Variants in ACSBG2 observed in about 807,000 individuals in gnomAD.
ACSBG2 encodes long-chain-fatty-acid--CoA ligase ACSBG2.
In ACSBG2, 62 loss-of-function variants were observed where a neutral mutation model predicts 74.7. The ratio of observed to expected loss-of-function variants is 0.83; its 90% CI spans 0.68 to 1.03. ACSBG2 has a LOEUF of 1.03. Ranked by LOEUF, ACSBG2 falls within the 50% of genes least tolerant of loss-of-function variation. The pLI is 0.00. For missense variants in ACSBG2, 730 were observed against 817.6 expected, an observed-to-expected ratio of 0.89 and a Z score of 1.31; for synonymous variants, 309 against 294.1, an observed-to-expected ratio of 1.05 and a Z score of -0.52.
rs746945610 is a variant in ACSBG2, at chr19:6,185,453, C to T, written c.1340C>T (p.Thr447Ile). ...YRLLSCGKILTGCKNMLFQQN... is the reference protein window; with the variant it reads ...YRLLSCGKILIGCKNMLFQQN... ...CCTGGCAGCTGTGGCAAGATCTTGA[C>T]TGGGTGTAAGAATATGCTGTTCCAG... Residue 447 changes from threonine to isoleucine, a missense_variant, in exon 11 of 15, where the codon ACT becomes ATT. Transcript: ENST00000588485. 1 of 1,614,144 alleles carries T rather than the reference C, an allele frequency of 6.2e-7. No individual in the cohort carries two copies. Among genetic ancestry groups the T allele is most frequent in the Admixed American group, 1.7e-5 (1 of 60,012 alleles).
At chr19:6,181,275 G>A (rs919966071) in intron 8 of ACSBG2, among the ~76,000 whole-genome samples, 1 of 144,434 alleles carries the variant, frequency 6.9e-6, no homozygotes, top group Non-Finnish European at 1.5e-5. Context: ...GAGAAGGGAG[G>A]GGAAGGGAGG....
intron 4 of ACSBG2, among the ~76,000 whole-genome samples, chr19:6,154,860 G>T: frequency 6.6e-6 from 1 of 152,080 alleles, no homozygotes; most frequent in Admixed American, 6.6e-5. Context: ...GGACTGAATG[G>T]TAAGACAGTG....
At chr19:6,191,884 C>T (rs1317528392) in intron 14 of ACSBG2, 1 of 152,016 alleles carries the variant, frequency 6.6e-6, no homozygotes, top group Non-Finnish European at 1.5e-5. Flanking sequence ...AATTCTTCAT[C>T]TTTCACAAGA....
chr19:6,187,717 A>AC lies in ACSBG2; in HGVS notation c.1804dup (p.Leu602ProfsTer25), dbSNP rs745661515. On this transcript the variant is annotated frameshift_variant, in exon 13 of 15. Coordinates refer to ENST00000588485, the MANE Select transcript of ACSBG2 (RefSeq NM_030924.5). LOFTEE classifies it high-confidence loss of function. ...GTGACTGAGATTGTGAAGCAGCAAG[A>AC]CCCCCTGGTCTACAAGGCCATCCAG... 3 of 1,613,728 alleles carry AC rather than the reference A, an allele frequency of 1.9e-6. No homozygotes were observed. The highest frequency in any genetic ancestry group is 8.5e-7 in the Non-Finnish European group (1 of 1,179,946).
intron 3 of ACSBG2, 50 bp downstream of exon 3, chr19:6,147,725 G>A: frequency 1.9e-6 from 3 of 1,569,446 alleles, no homozygotes; most frequent in Non-Finnish European, 2.6e-6. Flanking sequence ...ATTCTGAATA[G>A]GTAACAGACA....
In ACSBG2 at chr19:6,190,808, T is replaced by TAC. The variant is rs1161207580; in HGVS notation, c.*35+118_*35+119dup. The TAC allele has an allele frequency of 4.0e-4, 156 of 387,498 alleles. 2 individuals are homozygous for TAC. Among genetic ancestry groups the TAC allele is most frequent in the East Asian group, 4.5e-4 (9 of 19,820 alleles). 24.0% of individuals were successfully genotyped at this position (387,498 alleles called of 1,614,324 possible). A position where few individuals can be genotyped will look rare whatever the true frequency, so the allele number is the denominator to read the frequency against. On this transcript the variant is annotated intron_variant, in intron 14 of 14. Transcript: ENST00000588485. Reference sequence around the variant, plus strand: ...TGCAGAAAACACACACATACACACATACATACACACACACACACACACACA... The same window carrying TAC: ...TGCAGAAAACACACACATACACACATACACATACACACACACACACACACACA...
intron 6 of ACSBG2, among the ~76,000 whole-genome samples, chr19:6,165,511 A>C (rs753014500): frequency 7.9e-5 from 12 of 152,196 alleles, no homozygotes; most frequent in Admixed American, 2.0e-4. Context: ...AACAAATAAT[A>C]CCTAACTCCG....
intron 8 of ACSBG2, among the ~76,000 whole-genome samples, 195 bp downstream of exon 8, chr19:6,177,591 G>A (rs528529047): frequency 2.0e-5 from 3 of 152,130 alleles, no homozygotes; most frequent in Non-Finnish European, 2.9e-5. Flanking sequence ...CTGTAATCCC[G>A]GCACTCTGGG....
At chr19:6,142,568 T>C (rs1321077299) in intron 2 of ACSBG2, among the ~76,000 whole-genome samples, 1 of 151,902 alleles carries the variant, frequency 6.6e-6, no homozygotes, top group African/African-American at 2.4e-5. Context: ...CTGACTAAGA[T>C]GGTGAAACCC....
At chr19:6,146,460 A>C (rs1435347981) in intron 2 of ACSBG2, among the ~76,000 whole-genome samples, 3 of 102,958 alleles carry the variant, frequency 2.9e-5, no homozygotes, top group Non-Finnish European at 3.7e-5. Flanking sequence ...AAAGAGTGAG[A>C]CTCCGTCTCA....
chr19:6,168,120 AGGC>A (rs2089864104), intron 7 of ACSBG2, among the ~76,000 whole-genome samples: 1 of 151,934 alleles, frequency 6.6e-6, no homozygotes, highest in Non-Finnish European at 1.5e-5. Context: ...GAGGCCCACA[AGGC>A]ACTGCAAGCC....
intron 13 of ACSBG2, 92 bp from the exon 14 acceptor site, chr19:6,190,492 C>T (rs2090531445): frequency 9.0e-7 from 1 of 1,116,482 alleles, no homozygotes; most frequent in Non-Finnish European, 1.4e-6. Context: ...CCAGCCTAGC[C>T]CCAGGCATGG....
intron 7 of ACSBG2, among the ~76,000 whole-genome samples, chr19:6,175,079 AT>A (rs1026617836): frequency 6.6e-6 from 1 of 152,190 alleles, no homozygotes; most frequent in South Asian, 2.1e-4. Flanking sequence ...TGTCTAAACC[AT>A]TGTACATCAT....
At chr19:6,171,587 C>T (rs8109924) in intron 7 of ACSBG2, among the ~76,000 whole-genome samples, 3,522 of 152,130 alleles carry the variant, frequency 0.023, 122 homozygotes, top group African/African-American at 0.076. Flanking sequence ...ATCCACTGTA[C>T]GTCTGATGGA....
intron 6 of ACSBG2, among the ~76,000 whole-genome samples, chr19:6,162,264 C>CA (rs57505930): frequency 0.6 from 37,465 of 62,806 alleles, 11,243 homozygotes; most frequent in East Asian, 0.69. Context: ...GACTCTGTCT[C>CA]AAAAAAAAAA....
intron 7 of ACSBG2, among the ~76,000 whole-genome samples, chr19:6,169,663 G>T (rs1287949881): frequency 6.6e-6 from 1 of 152,136 alleles, no homozygotes; most frequent in African/African-American, 2.4e-5. Context: ...TCTGTAGATT[G>T]CTTTGGGCAG....
chr19:6,140,209 A>G (rs1477299821), intron 1 of ACSBG2, among the ~76,000 whole-genome samples: 1 of 141,504 alleles, frequency 7.1e-6, no homozygotes, highest in Non-Finnish European at 1.5e-5. Flanking sequence ...TGGGCGACAG[A>G]GCAAGACTCC....
intron 2 of ACSBG2, among the ~76,000 whole-genome samples, chr19:6,142,439 T>C (rs2088877200): frequency 6.6e-6 from 1 of 151,534 alleles, no homozygotes; most frequent in African/African-American, 2.4e-5. Flanking sequence ...CGAGAGTGAA[T>C]TCAAGAAACA....
At chr19:6,146,363 G>A (rs929016867) in intron 2 of ACSBG2, among the ~76,000 whole-genome samples, 8 of 152,066 alleles carry the variant, frequency 5.3e-5, no homozygotes, top group African/African-American at 1.7e-4. Context: ...CCAGCTACTC[G>A]GCAGGTTGAG....
Sources: gnomAD v4.1 joint callset for allele counts (sites outside exome capture counted in the v4.1 genomes callset) on GRCh38, gnomAD v4.1.1 for gene constraint, MANE v1.5 for transcripts, NCBI Gene and HGNC (gene_info 2026-07-23, HGNC 2026-07-21) for gene names.